Variants in CMIP observed in about 807,000 individuals in gnomAD.
CMIP encodes the protein C-Maf-inducing protein.
In CMIP, 13 loss-of-function variants were observed where a neutral mutation model predicts 97.3. The observed-to-expected ratio is 0.13, with a 90% CI of 0.09 to 0.21. CMIP has a LOEUF of 0.21. Ranked by LOEUF, CMIP falls within the 10% of genes least tolerant of loss-of-function variation. The probability of loss-of-function intolerance (pLI) is 1.00; values close to 1 mark genes in which losing one functional copy is unlikely to be tolerated. For synonymous variants in CMIP, 538 were observed against 436.3 expected, an observed-to-expected ratio of 1.23 and a Z score of -2.91; for missense variants, 847 against 1,024.9, an observed-to-expected ratio of 0.83 and a Z score of 2.37.
chr16:81,457,499 G>A (rs1906624919), intron 1 of CMIP, among the ~76,000 whole-genome samples: 1 of 152,200 alleles, frequency 6.6e-6, no homozygotes. Flanking sequence ...GGGAGCAGGA[G>A]GAGCTTTTAT....
chr16:81,571,587 CAAAAAAAAAA>C (rs397854647), intron 1 of CMIP, among the ~76,000 whole-genome samples: 3 of 87,488 alleles, frequency 3.4e-5, no homozygotes, highest in Admixed American at 1.2e-4. Context: ...TCATCTCTAC[CAAAAAAAAAA>C]AAAAAAAAAA....
rs1434224415 is a variant in CMIP at position 81,564,491 on chromosome 16, AT to A, written c.301-43075del. 3.9e-5 allele frequency among the ~76,000 whole-genome samples: 6 copies of A among 152,196 alleles called. 2 individuals are homozygous for A. Among genetic ancestry groups the A allele is most frequent in the Admixed American group, 3.9e-4 (6 of 15,276 alleles). ...ATGTGGCTCTGAGCTCCTCCCTGGA[AT>A]CCCCTAGAGTTGATGTGGGGGGAAG... On this transcript the variant is annotated intron_variant, in intron 1 of 20. Transcript: ENST00000537098.
At chr16:81,525,976 ACGTG>A (rs2090124083) in intron 1 of CMIP, among the ~76,000 whole-genome samples, 3 of 65,836 alleles carry the variant, frequency 4.6e-5, no homozygotes, top group East Asian at 4.4e-4. Flanking sequence ...GACTAATAAT[ACGTG>A]TGTGTGTGTG....
chr16:81,502,028 T>C (rs2089623071), intron 1 of CMIP, among the ~76,000 whole-genome samples: 2 of 152,220 alleles, frequency 1.3e-5, no homozygotes, highest in Non-Finnish European at 2.9e-5. Flanking sequence ...GCCTACTATA[T>C]GCTAGGCCCT....
At chr16:81,708,516 T>G (rs868831595) in intron 20 of CMIP, among the ~76,000 whole-genome samples, 78 of 152,360 alleles carry the variant, frequency 5.1e-4, no homozygotes, top group African/African-American at 1.8e-3. Flanking sequence ...TTTCAGTCGA[T>G]TTTTTTATTT....
intron 1 of CMIP, among the ~76,000 whole-genome samples, chr16:81,499,588 G>A (rs1440754459): frequency 1.3e-5 from 2 of 152,232 alleles, no homozygotes; most frequent in African/African-American, 2.4e-5. Context: ...TTCTGGGCTG[G>A]CCCAGGACAC....
chr16:81,581,824 C>G (rs1054527901), intron 1 of CMIP, among the ~76,000 whole-genome samples: 1 of 152,148 alleles, frequency 6.6e-6, no homozygotes, highest in African/African-American at 2.4e-5. Context: ...TCCCCAGAAC[C>G]CTTTAGTCCC....
rs2091676953 is a variant in CMIP at position 81,602,625 on chromosome 16, C to A, written c.301-4942C>A. Among the ~76,000 whole-genome samples the A allele has an allele frequency of 3.9e-5, 6 of 152,358 alleles. No homozygotes were observed. The South Asian group carries it at 1.2e-3, about 32-fold the overall frequency. ...CTGGCAACCATGGGTGTGATTTCAG[C>A]CCCTGTAGTTTTGTTTATTTCAGGA... On this transcript the variant is annotated intron_variant, in intron 1 of 20. Coordinates refer to ENST00000537098, the MANE Select transcript of CMIP (RefSeq NM_198390.3).
At chr16:81,490,904 C>A in intron 1 of CMIP, among the ~76,000 whole-genome samples, 1 of 152,160 alleles carries the variant, frequency 6.6e-6, no homozygotes, top group Non-Finnish European at 1.5e-5. Context: ...TACACACTTT[C>A]TCCTTTTATC....
At chr16:81,702,266 C>T (rs1907501712) in intron 16 of CMIP, among the ~76,000 whole-genome samples, 1 of 152,190 alleles carries the variant, frequency 6.6e-6, no homozygotes, top group Admixed American at 6.5e-5. Context: ...AGCTCCCTCA[C>T]CCCTTCAGTG....
intron 1 of CMIP, among the ~76,000 whole-genome samples, chr16:81,595,074 A>G (rs1288530033): frequency 1.3e-5 from 2 of 151,712 alleles, no homozygotes; most frequent in South Asian, 2.1e-4. Flanking sequence ...AGACAGCTTA[A>G]TATTTTCAGA....
intron 5 of CMIP, 56 bp downstream of exon 5, chr16:81,657,872 A>T: frequency 7.0e-7 from 1 of 1,437,102 alleles, no homozygotes; most frequent in Middle Eastern, 1.8e-4. Context: ...GGAGCCTACA[A>T]CCCTTTTCCT....
At chr16:81,485,270 T>C (rs1035026702) in intron 1 of CMIP, among the ~76,000 whole-genome samples, 2 of 152,240 alleles carry the variant, frequency 1.3e-5, no homozygotes, top group African/African-American at 4.8e-5. Flanking sequence ...CCTTGTGAGC[T>C]CATATCTGTC....
chr16:81,530,847 C>A (rs565615369), intron 1 of CMIP, among the ~76,000 whole-genome samples: 1 of 152,268 alleles, frequency 6.6e-6, no homozygotes, highest in Non-Finnish European at 1.5e-5. Context: ...TCAGCTTCTT[C>A]TGCATAAAAA....
intron 1 of CMIP, among the ~76,000 whole-genome samples, chr16:81,575,473 C>A (rs1265833828): frequency 3.3e-5 from 5 of 152,164 alleles, no homozygotes; most frequent in African/African-American, 1.2e-4. Context: ...CGAGTCGAGT[C>A]CGTAGATCAT....
intron 1 of CMIP, among the ~76,000 whole-genome samples, chr16:81,514,870 T>C (rs2089882447): frequency 6.6e-6 from 1 of 152,242 alleles, no homozygotes; most frequent in African/African-American, 2.4e-5. Flanking sequence ...ATGGTGGCTC[T>C]AGCTGTTGCT....
At chr16:81,565,232 T>G (rs1254115758) in intron 1 of CMIP, among the ~76,000 whole-genome samples, 1 of 152,098 alleles carries the variant, frequency 6.6e-6, no homozygotes, top group Non-Finnish European at 1.5e-5. Context: ...CCCAGATGGA[T>G]AGGAGGCTTG....
intron 20 of CMIP, among the ~76,000 whole-genome samples, chr16:81,708,280 G>T (rs889392512): frequency 2.6e-5 from 4 of 152,244 alleles, no homozygotes; most frequent in Non-Finnish European, 5.9e-5. Context: ...TCAGGGTGGC[G>T]TCTGCAGACC....
chr16:81,657,253 C>T (rs985759129), intron 4 of CMIP, among the ~76,000 whole-genome samples: 1 of 152,196 alleles, frequency 6.6e-6, no homozygotes, highest in Non-Finnish European at 1.5e-5. Context: ...GCTAAAACAT[C>T]TCGGGCCCAC....
Sources: gnomAD v4.1 joint callset for allele counts (sites outside exome capture counted in the v4.1 genomes callset) on GRCh38, gnomAD v4.1.1 for gene constraint, MANE v1.5 for transcripts, NCBI Gene and HGNC (gene_info 2026-07-23, HGNC 2026-07-21) for gene names.